Variants in JAK1 observed in about 807,000 individuals in gnomAD.
The protein encoded by JAK1 is tyrosine-protein kinase JAK1.
JAK1 carries 16 observed loss-of-function variants against 136.6 expected under a neutral mutation model. That is an observed-to-expected ratio of 0.12 (90% CI 0.08 to 0.18). JAK1 has a LOEUF of 0.18. Among genes scored for constraint, JAK1 ranks in the 10% least tolerant of loss-of-function variants. The pLI is 1.00. For synonymous variants in JAK1, 492 were observed against 519.5 expected, an observed-to-expected ratio of 0.95 and a Z score of 0.72; for missense variants, 859 against 1,450.1, an observed-to-expected ratio of 0.59 and a Z score of 6.62.
intron 2 of JAK1, chr1:64,972,790 A>C (rs1398201964): frequency 1.3e-5 from 2 of 152,220 alleles, no homozygotes; most frequent in Admixed American, 6.5e-5. Context: ...CCCTGTCTCC[A>C]AAAGAAACAA....
chr1:64,928,793 A>AC lies in JAK1; in HGVS notation c.-78+37539_-78+37540insG, dbSNP rs1557699582. Among the ~76,000 whole-genome samples, 17 of 124,732 alleles carry AC rather than the reference A, an allele frequency of 1.4e-4. No homozygotes were observed. The East Asian group carries it at 1.4e-3, about 11-fold the overall frequency. 81.8% of individuals were successfully genotyped at this position (124,732 alleles called of 152,430 possible). A position where few individuals can be genotyped will look rare whatever the true frequency, so the allele number is the denominator to read the frequency against. On this transcript the variant is annotated intron_variant, in intron 1 of 24. Coordinates refer to ENST00000342505, the MANE Select transcript of JAK1 (RefSeq NM_002227.4). ...TAAAACTCTGCAAAAAAAAAAAAAAAAAACAAAAAAAAAAAACTCTGCAAA... is the reference window on the plus strand; with the variant it reads ...TAAAACTCTGCAAAAAAAAAAAAAAACAAACAAAAAAAAAAAACTCTGCAAA...
chr1:64,843,103 CA>C (rs908520897), intron 17 of JAK1, among the ~76,000 whole-genome samples: 32 of 152,258 alleles, frequency 2.1e-4, no homozygotes, highest in Non-Finnish European at 1.8e-4. Flanking sequence ...ATGCCACCCC[CA>C]GTAAAATGTA....
At chr1:64,939,098 T>C (rs988988193) in intron 1 of JAK1, among the ~76,000 whole-genome samples, 2 of 152,162 alleles carry the variant, frequency 1.3e-5, no homozygotes, top group Non-Finnish European at 2.9e-5. Flanking sequence ...ATAGGAACTG[T>C]TGGAGCAACT....
chr1:64,929,572 T>C (rs944305372), intron 1 of JAK1, among the ~76,000 whole-genome samples: 5 of 152,222 alleles, frequency 3.3e-5, no homozygotes, highest in Non-Finnish European at 7.3e-5. Flanking sequence ...ATTGTTCTCT[T>C]GACTTTACCA....
chr1:64,954,045 A>T lies in JAK1; in HGVS notation c.-78+12288T>A, dbSNP rs541494454. ...GACACATCAAGGCACATCTCCAAGG[A>T]CCTAAAACTGCTTCAAAAACATTAG... is the stretch of plus-strand genomic sequence containing the variant. On this transcript the variant is annotated intron_variant, in intron 1 of 24. Coordinates refer to ENST00000342505, the MANE Select transcript of JAK1 (RefSeq NM_002227.4). Among the ~76,000 whole-genome samples, 4 of 152,296 alleles carry T rather than the reference A, an allele frequency of 2.6e-5. No individual in the cohort carries two copies. The East Asian group carries it at 5.8e-4, about 22-fold the overall frequency.
chr1:64,971,814 C>T (rs1231644021), intron 2 of JAK1, among the ~76,000 whole-genome samples: 1 of 152,188 alleles, frequency 6.6e-6, no homozygotes, highest in Non-Finnish European at 1.5e-5. Flanking sequence ...CCACCTCGGC[C>T]TTCCAAAGTG....
At chr1:64,873,280 C>T (rs1156860526) in intron 5 of JAK1, 90 bp downstream of exon 5, 1 of 1,502,444 alleles carries the variant, frequency 6.7e-7, no homozygotes, top group East Asian at 2.3e-5. Flanking sequence ...ACTCTAGCAC[C>T]ACCAAGTTCA....
chr1:65,035,131 A>G lies in JAK1; in HGVS notation c.-78+9349T>C, dbSNP rs539396755. ...TAGTAATGCCATTTGTTTCCAGAAA[A>G]TACTTCAGGATTTTCTCGAGGTAAA... is the stretch of plus-strand genomic sequence containing the variant. On this transcript the variant is annotated intron_variant, in intron 2 of 25. Coordinates refer to the JAK1 transcript ENST00000671954. Among the ~76,000 whole-genome samples the G allele has an allele frequency of 2.0e-4, 31 of 152,264 alleles. 1 individual carries two copies. The highest frequency in any genetic ancestry group is 2.9e-5 in the Non-Finnish European group (2 of 68,020).
At chr1:64,890,128 A>C (rs913736057) in intron 1 of JAK1, among the ~76,000 whole-genome samples, 8 of 152,218 alleles carry the variant, frequency 5.3e-5, no homozygotes, top group Admixed American at 1.3e-4. Flanking sequence ...TCAGCTTCTT[A>C]ATATCTTAAG....
intron 1 of JAK1, among the ~76,000 whole-genome samples, chr1:65,050,674 G>A (rs76135192): frequency 1.2e-3 from 185 of 152,322 alleles, no homozygotes; most frequent in African/African-American, 4.4e-3. Context: ...CAGCTGAAGA[G>A]TAGAGAAGGC....
At chr1:64,974,969 A>T (rs1646485365) in intron 2 of JAK1, among the ~76,000 whole-genome samples, 1 of 151,552 alleles carries the variant, frequency 6.6e-6, no homozygotes, top group Non-Finnish European at 1.5e-5. Flanking sequence ...GAGTGCAATG[A>T]TGCAATCTCG....
chr1:64,916,299 G>C (rs1645394379), intron 1 of JAK1, among the ~76,000 whole-genome samples: 1 of 151,992 alleles, frequency 6.6e-6, no homozygotes, highest in Non-Finnish European at 1.5e-5. Flanking sequence ...CTTTTTTAAA[G>C]TAACATTTCA....
At chr1:64,913,625 GAGGGAGGGAGGA>G (rs1557686218) in intron 1 of JAK1, among the ~76,000 whole-genome samples, 1 of 112,212 alleles carries the variant, frequency 8.9e-6, no homozygotes, top group African/African-American at 3.6e-5. Context: ...ATTTGGGAGG[GAGGGAGGGAGGA>G]AGGGAGGAAG....
chr1:64,990,455 A>G (rs1160706355), intron 2 of JAK1: 2 of 152,144 alleles, frequency 1.3e-5, no homozygotes, highest in Non-Finnish European at 2.9e-5. Flanking sequence ...TGAAAACAAA[A>G]ACAACCACAC....
chr1:64,841,580 G>GGT lies in JAK1; in HGVS notation c.2424_2425insAC (p.Arg809ThrfsTer6). 1 of 1,613,992 alleles carries GGT rather than the reference G, an allele frequency of 6.2e-7. No homozygotes were observed. Among genetic ancestry groups the GGT allele is most frequent in the Non-Finnish European group, 8.5e-7 (1 of 1,180,024 alleles). On this transcript the variant is annotated frameshift_variant, in exon 18 of 25. Coordinates refer to ENST00000342505, the MANE Select transcript of JAK1 (RefSeq NM_002227.4). LOFTEE classifies it high-confidence loss of function. Reference sequence around the variant, plus strand: ...CATGATGGTGTCACTGGCCTGCACCGGCTTTCATAGAATCTCTCTTTCTGT... The same window carrying GGT: ...CATGATGGTGTCACTGGCCTGCACCGGTGCTTTCATAGAATCTCTCTTTCTGT...
At chr1:65,020,225 CAA>C (rs375362876) in intron 2 of JAK1, among the ~76,000 whole-genome samples, 38 of 50,786 alleles carry the variant, frequency 7.5e-4, no homozygotes, top group Admixed American at 4.2e-3. Context: ...AACTCCGTCT[CAA>C]AAAAAAAAAA....
At chr1:64,873,261 C>T (rs1388189084) in intron 5 of JAK1, 109 bp downstream of exon 5, 1 of 1,310,740 alleles carries the variant, frequency 7.6e-7, no homozygotes, top group East Asian at 2.3e-5. Context: ...CCAGAACAGG[C>T]CTTAAAGCAC....
intron 2 of JAK1, among the ~76,000 whole-genome samples, chr1:65,014,313 A>G (rs1273305071): frequency 6.6e-6 from 1 of 152,030 alleles, no homozygotes; most frequent in African/African-American, 2.4e-5. Context: ...CAAGAGGCCA[A>G]ACAAATCCCA....
At chr1:65,009,775 G>C (rs916084724) in intron 2 of JAK1, among the ~76,000 whole-genome samples, 9 of 152,340 alleles carry the variant, frequency 5.9e-5, no homozygotes, top group Middle Eastern at 3.4e-3. Flanking sequence ...CAGAGAGGAA[G>C]AGTTACTGGC....
Sources: gnomAD v4.1 joint callset for allele counts (sites outside exome capture counted in the v4.1 genomes callset) on GRCh38, gnomAD v4.1.1 for gene constraint, MANE v1.5 for transcripts, NCBI Gene and HGNC (gene_info 2026-07-23, HGNC 2026-07-21) for gene names.